Variants in KIAA1217 observed in about 807,000 individuals in gnomAD.
The protein encoded by KIAA1217 is sickle tail protein homolog.
Under a neutral mutation model 163.9 loss-of-function variants are expected in KIAA1217, and 88 were observed. The ratio of observed to expected loss-of-function variants is 0.54; its 90% CI spans 0.45 to 0.64. The LOEUF (loss-of-function observed/expected upper bound fraction) is 0.64. KIAA1217 is among the 30% of genes least tolerant of loss of function. KIAA1217 has a pLI of 0.00. For synonymous variants in KIAA1217, 903 were observed against 923.1 expected (o/e 0.98, Z 0.39); for missense variants, 2,372 against 2,475.0 (o/e 0.96, Z 0.88).
At chr10:23,831,164 A>G (rs1335813) in intron 1 of KIAA1217, among the ~76,000 whole-genome samples, 31,816 of 152,006 alleles carry the variant, frequency 0.21, 3,491 homozygotes, top group Middle Eastern at 0.31. Context: ...CTCAAAATGA[A>G]TTAAAGAGTT....
chr10:24,029,503 A>G (rs994621927), intron 2 of KIAA1217, among the ~76,000 whole-genome samples: 1 of 152,198 alleles, frequency 6.6e-6, no homozygotes, highest in African/African-American at 2.4e-5. Flanking sequence ...TTTAAAAAAT[A>G]TGGAACATTC....
chr10:24,306,070 C>T (rs1312002866), intron 2 of KIAA1217, among the ~76,000 whole-genome samples: 1 of 152,126 alleles, frequency 6.6e-6, no homozygotes, highest in East Asian at 1.9e-4. Flanking sequence ...CTCTTATTAA[C>T]ATTTCCTGAC....
intron 1 of KIAA1217, among the ~76,000 whole-genome samples, chr10:23,888,740 T>G (rs756241709): frequency 6.6e-6 from 1 of 151,934 alleles, no homozygotes; most frequent in Non-Finnish European, 1.5e-5. Flanking sequence ...ATGTATAATT[T>G]GCATAAAGTA....
At chr10:23,971,387 C>T (rs111985532) in intron 1 of KIAA1217, among the ~76,000 whole-genome samples, 1 of 152,318 alleles carries the variant, frequency 6.6e-6, no homozygotes, top group Non-Finnish European at 1.5e-5. Context: ...CAACCTTTCC[C>T]TGGCCCCCAT....
chr10:24,056,548 G>T (rs74925557), intron 2 of KIAA1217, among the ~76,000 whole-genome samples: 42 of 152,174 alleles, frequency 2.8e-4, no homozygotes, highest in African/African-American at 1.0e-3. Flanking sequence ...AGCCAAAAAT[G>T]CTATTTAATT....
intron 1 of KIAA1217, among the ~76,000 whole-genome samples, chr10:23,967,754 CA>C (rs778103465): frequency 3.3e-5 from 5 of 152,056 alleles, no homozygotes; most frequent in Non-Finnish European, 7.4e-5. Flanking sequence ...TTACAAAAGA[CA>C]AATTTAACCT....
At chr10:23,864,864 G>A (rs924174004) in intron 1 of KIAA1217, among the ~76,000 whole-genome samples, 2 of 152,134 alleles carry the variant, frequency 1.3e-5, no homozygotes, top group African/African-American at 4.8e-5. Flanking sequence ...TCATGAATCT[G>A]AAGGCAGTCT....
chr10:24,473,821 C>T lies in KIAA1217; in HGVS notation c.1440C>T (p.Asp480=), dbSNP rs201088499. Residue 480 remains aspartate, a synonymous_variant, in exon 6 of 21, where the codon GAC becomes GAT. Transcript: ENST00000376454. ...TPPASPHRVS[D]LRMIDMHAHY... Reference sequence around the variant, plus strand: ...CTGCCTCTCCTCACAGAGTCAGTGACCTGAGGATGATAGACATGCACGCTC... The same window carrying T: ...CTGCCTCTCCTCACAGAGTCAGTGATCTGAGGATGATAGACATGCACGCTC... 2.7e-5 allele frequency: 44 copies of T among 1,614,130 alleles called. No homozygotes were observed. Among genetic ancestry groups the T allele is most frequent in the East Asian group, 4.5e-5 (2 of 44,862 alleles).
chr10:24,012,917 A>G (rs1170271222), intron 2 of KIAA1217, among the ~76,000 whole-genome samples: 1 of 152,174 alleles, frequency 6.6e-6, no homozygotes, highest in Non-Finnish European at 1.5e-5. Flanking sequence ...TAACATTTTT[A>G]TGATTTAAAG....
intron 2 of KIAA1217, among the ~76,000 whole-genome samples, chr10:24,069,643 A>T (rs1287851188): frequency 2.0e-5 from 3 of 152,152 alleles, no homozygotes; most frequent in Admixed American, 6.5e-5. Flanking sequence ...ACCAGTTTTA[A>T]TTTGGCTGGT....
At chr10:24,487,375 C>T (rs746145763) in intron 6 of KIAA1217, among the ~76,000 whole-genome samples, 3 of 152,198 alleles carry the variant, frequency 2.0e-5, no homozygotes, top group Non-Finnish European at 4.4e-5. Context: ...TCTCAGCGCC[C>T]GTCATGGTGC....
At position 24,543,583 on chromosome 10, in the gene KIAA1217, T is replaced by C; in HGVS notation, c.4313T>C (p.Leu1438Pro). 1 of 1,614,142 alleles carries C rather than the reference T, an allele frequency of 6.2e-7. No homozygotes were observed. The highest frequency in any genetic ancestry group is 8.5e-7 in the Non-Finnish European group (1 of 1,180,036). The change falls in exon 19 of 21, where the codon CTG (leucine) becomes CCG (proline). Residue 1438 changes from leucine (L) to proline (P), a missense_variant. Leu to Pro is a moderately conservative substitution (Grantham distance 98). This residue lies in a region of KIAA1217 where 690 missense variants were observed against 677.5 expected (regional missense o/e 1.02). Coordinates refer to ENST00000376454, the MANE Select transcript of KIAA1217 (RefSeq NM_019590.5). ...GACAATGAGGATCCAGTCGTGTGCC[T>C]GGACAAGAAACCAGTGATCATCATT... ...GTDNEDPVVC[L>P]DKKPVIIIFD...
Position 24,531,945 on chromosome 10 carries a change from G to A in KIAA1217, c.3198G>A (p.Arg1066=), listed in dbSNP as rs893329768. The A allele has an allele frequency of 1.9e-6, 3 of 1,609,398 alleles. No homozygotes were observed. Among genetic ancestry groups the A allele is most frequent in the African/African-American group, 2.7e-5 (2 of 74,868 alleles). Reference sequence around the variant, plus strand: ...CAGGATCGGGACTCACCACCACGAGGTCAGGCGATGTGGTCTACACCGGCA... The same window carrying A: ...CAGGATCGGGACTCACCACCACGAGATCAGGCGATGTGGTCTACACCGGCA... ...YLPGSGLTTT[R]SGDVVYTGRK... is the part of the protein sequence containing the mutation. Residue 1066 remains arginine, a synonymous_variant, in exon 15 of 21, where the codon AGG becomes AGA. Transcript: ENST00000376454.
At chr10:24,521,668 A>G in intron 11 of KIAA1217, 114 bp from the exon 12 acceptor site, 1 of 1,296,696 alleles carries the variant, frequency 7.7e-7, no homozygotes, top group South Asian at 1.4e-5. Flanking sequence ...AAGATGTGTG[A>G]GCCACCCTGT....
At chr10:24,399,221 A>G (rs2056227684) in intron 3 of KIAA1217, among the ~76,000 whole-genome samples, 1 of 152,218 alleles carries the variant, frequency 6.6e-6, no homozygotes, top group African/African-American at 2.4e-5. Flanking sequence ...ATAGCGATGA[A>G]CTGAGGTTTT....
intron 2 of KIAA1217, among the ~76,000 whole-genome samples, chr10:24,157,006 C>T (rs1357985063): frequency 6.6e-6 from 1 of 152,162 alleles, no homozygotes; most frequent in Non-Finnish European, 1.5e-5. Context: ...CTTTTAAACA[C>T]TCATTTTTCT....
At chr10:23,782,903 T>C (rs1474022004) in intron 1 of KIAA1217, among the ~76,000 whole-genome samples, 2 of 152,236 alleles carry the variant, frequency 1.3e-5, no homozygotes, top group African/African-American at 4.8e-5. Flanking sequence ...TGGGTATCCA[T>C]GCCTTGTACT....
chr10:24,039,426 C>T (rs1848533443), intron 2 of KIAA1217, among the ~76,000 whole-genome samples: 1 of 152,130 alleles, frequency 6.6e-6, no homozygotes, highest in Admixed American at 6.5e-5. Context: ...ATATACAACG[C>T]AATACTCCCT....
At chr10:24,428,114 T>C (rs2059314865) in intron 3 of KIAA1217, among the ~76,000 whole-genome samples, 1 of 152,162 alleles carries the variant, frequency 6.6e-6, no homozygotes, top group Non-Finnish European at 1.5e-5. Context: ...AGAATGCAGA[T>C]GTGGGGATGA....
Sources: allele counts gnomAD v4.1 joint callset (sites outside exome capture counted in the v4.1 genomes callset), GRCh38; gene constraint gnomAD v4.1.1; regional missense constraint gnomAD v4.1.1; transcripts MANE v1.5; gene names NCBI Gene and HGNC (gene_info 2026-07-23, HGNC 2026-07-21).